PPP1R37: variants seen among roughly 807,000 people sequenced by gnomAD.
PPP1R37 encodes leucine rich repeat containing 68.
In PPP1R37, 21 loss-of-function variants were observed where a neutral mutation model predicts 61.0. That is an observed-to-expected ratio of 0.34 (90% CI 0.24 to 0.50). The LOEUF is 0.50. Among genes scored for constraint, PPP1R37 ranks in the 20% least tolerant of loss-of-function variants. The pLI is 0.98. For synonymous variants in PPP1R37, 443 were observed against 433.5 expected (o/e 1.02, Z -0.27); for missense variants, 910 against 952.7 (o/e 0.96, Z 0.59).
At chr19:45,102,588 A>C (rs1341268230) in intron 1 of PPP1R37, among the ~76,000 whole-genome samples, 5 of 152,188 alleles carry the variant, frequency 3.3e-5, no homozygotes, top group African/African-American at 1.2e-4. Flanking sequence ...TGTAAGGGTT[A>C]GGCAGGTGGG....
chr19:45,116,397 C>T (rs8105740), intron 1 of PPP1R37, among the ~76,000 whole-genome samples: 19,990 of 152,260 alleles, frequency 0.13, 1,525 homozygotes, highest in African/African-American at 0.21. Flanking sequence ...CCTAGCCCGC[C>T]CCCTGGAGCT....
chr19:45,125,382 G>T (rs1968392275), intron 1 of PPP1R37, among the ~76,000 whole-genome samples: 1 of 152,166 alleles, frequency 6.6e-6, no homozygotes, highest in Non-Finnish European at 1.5e-5. Flanking sequence ...AGAATTGCTT[G>T]AACCTGGGAG....
rs890180555 is a variant in PPP1R37, at chr19:45,119,273, G to T, written c.203-19241G>T. 2.6e-5 allele frequency among the ~76,000 whole-genome samples: 4 copies of T among 152,174 alleles called. No homozygotes were observed. The South Asian group carries it at 8.3e-4, about 32-fold the overall frequency. On this transcript the variant is annotated intron_variant, in intron 1 of 12. Transcript: ENST00000221462. ...AGGTTCAAGCGATTCTCCTGCCTCAGCCTCCTGAGTAGCTGGGATTACAGG... is the reference window on the plus strand; with the variant it reads ...AGGTTCAAGCGATTCTCCTGCCTCATCCTCCTGAGTAGCTGGGATTACAGG...
chr19:45,134,184 T>G (rs1316120450), intron 1 of PPP1R37, among the ~76,000 whole-genome samples: 1 of 152,108 alleles, frequency 6.6e-6, no homozygotes, highest in Non-Finnish European at 1.5e-5. Flanking sequence ...TTTCTGAAAT[T>G]TTTTTTGTAG....
Position 45,093,304 on chromosome 19 carries a change from C to G in PPP1R37, c.-22C>G. ...GGCCCGGGGCATGTCCCCGGGGCCC[C>G]CGTGAGGAGGCGGCGGCGGCTATGG... On this transcript the variant is annotated 5_prime_UTR_variant, in exon 1 of 13. Transcript: ENST00000221462. 1 of 1,399,428 alleles carries G rather than the reference C, an allele frequency of 7.1e-7. No individual in the cohort carries two copies. The highest frequency in any genetic ancestry group is 1.5e-5 in the African/African-American group (1 of 65,754). 86.7% of individuals were successfully genotyped at this position (1,399,428 alleles called of 1,614,324 possible). A position where few individuals can be genotyped will look rare whatever the true frequency, so the allele number is the denominator to read the frequency against.
chr19:45,142,617 C>T, intron 7 of PPP1R37, 159 bp downstream of exon 7: 1 of 756,584 alleles, frequency 1.3e-6, no homozygotes, highest in Non-Finnish European at 2.1e-6. Context: ...TAGACAGTGA[C>T]AACCTAGAGT....
At position 45,142,189 on chromosome 19, in the gene PPP1R37, G is replaced by A. The variant is rs770557359; in HGVS notation, c.696G>A (p.Ser232=). 3.0e-5 allele frequency: 46 copies of A among 1,534,818 alleles called. No individual in the cohort carries two copies. The highest frequency in any genetic ancestry group is 9.8e-5 in the East Asian group (4 of 40,876). The change falls in exon 6 of 13, where the codon TCG becomes TCA. Residue 232 remains serine (S), a synonymous_variant. Transcript: ENST00000221462. ...AVLHLENASL[S]GRPLMLLATA... is the part of the protein sequence containing the mutation. ...TGCACTTGGAGAACGCCAGCCTGTC[G>A]GGGCGGCCCCTCATGCTGCTCGGTG...
intron 1 of PPP1R37, among the ~76,000 whole-genome samples, chr19:45,119,718 A>G (rs1305486925): frequency 8.5e-5 from 13 of 152,218 alleles, no homozygotes; most frequent in Admixed American, 8.5e-4. Flanking sequence ...CCCCAGGCCC[A>G]GGATCAGACC....
intron 1 of PPP1R37, among the ~76,000 whole-genome samples, chr19:45,105,781 C>T (rs182240613): frequency 1.8e-4 from 28 of 152,296 alleles, no homozygotes; most frequent in Admixed American, 1.7e-3. Flanking sequence ...GACCTGTGTT[C>T]CCTGCTGGAC....
intron 10 of PPP1R37, 46 bp from the exon 11 acceptor site, chr19:45,145,307 G>A (rs1968674695): frequency 6.6e-7 from 1 of 1,522,034 alleles, no homozygotes; most frequent in African/African-American, 1.4e-5. Context: ...GGAAGGCCGG[G>A]TGGTGGGGCC....
chr19:45,115,122 C>T (rs867248283), intron 1 of PPP1R37, among the ~76,000 whole-genome samples: 1 of 152,198 alleles, frequency 6.6e-6, no homozygotes, highest in East Asian at 1.9e-4. Flanking sequence ...AAGCCCGGCC[C>T]TGCCTTCCAG....
chr19:45,106,271 C>T (rs964995560), intron 1 of PPP1R37, among the ~76,000 whole-genome samples: 10 of 151,772 alleles, frequency 6.6e-5, no homozygotes, highest in Non-Finnish European at 1.0e-4. Flanking sequence ...GATGGAGTTT[C>T]GCTCTTGTTG....
chr19:45,097,296 C>T (rs530191995), intron 1 of PPP1R37, among the ~76,000 whole-genome samples: 2 of 151,914 alleles, frequency 1.3e-5, no homozygotes, highest in South Asian at 4.2e-4. Flanking sequence ...ACCCCAAGGC[C>T]AAGGGGTAAC....
In PPP1R37 at chr19:45,120,633, G is replaced by T. The variant is rs181686379; in HGVS notation, c.203-17881G>T. On this transcript the variant is annotated intron_variant, in intron 1 of 12. Coordinates refer to ENST00000221462, the MANE Select transcript of PPP1R37 (RefSeq NM_019121.2). ...ATTGCTAATCAAAGGGTATATGCAT[G>T]TTACTTTTTTTTGAGATGGAGTCTT... Among the ~76,000 whole-genome samples, 360 of 152,060 alleles carry T rather than the reference G, an allele frequency of 2.4e-3. 3 individuals are homozygous for T. The highest frequency in any genetic ancestry group is 8.2e-3 in the African/African-American group (342 of 41,486).
chr19:45,128,725 G>A lies in PPP1R37; in HGVS notation c.203-9789G>A, dbSNP rs139635118. The A allele has an allele frequency of 3.2e-5, 27 of 852,546 alleles. 1 individual carries two copies. The East Asian group carries it at 6.1e-4, about 19-fold the overall frequency. The allele number at this position is 852,546 out of a possible 1,614,324, so 52.8% of individuals were successfully genotyped here. ...GCTTGGAAGACTGGCAAGCACAGCCGCGTCAAGGTCCACCTGGTTGGTATT... is the reference window on the plus strand; with the variant it reads ...GCTTGGAAGACTGGCAAGCACAGCCACGTCAAGGTCCACCTGGTTGGTATT... On this transcript the variant is annotated intron_variant, in intron 1 of 12. Transcript: ENST00000221462.
intron 1 of PPP1R37, among the ~76,000 whole-genome samples, chr19:45,135,667 G>A (rs1410965057): frequency 2.0e-5 from 3 of 152,058 alleles, no homozygotes; most frequent in African/African-American, 4.8e-5. Context: ...TCACAGAGTC[G>A]ATGCGTTCGC....
At position 45,121,029 on chromosome 19, in the gene PPP1R37, T is replaced by G. The variant is rs1968336163; in HGVS notation, c.203-17485T>G. 6.6e-6 allele frequency among the ~76,000 whole-genome samples: 1 copy of G among 152,236 alleles called. No homozygotes were observed. The highest frequency in any genetic ancestry group is 1.5e-5 in the Non-Finnish European group (1 of 68,052). On this transcript the variant is annotated intron_variant, in intron 1 of 12. Transcript: ENST00000221462. The surrounding 1 kb of genome is among the most constrained non-coding windows in gnomAD (Gnocchi z 4.2). ...CCCCTGGAAAGTTGGGGAGATAATT[T>G]CTATTTCTCAGGGCCATTAGGAAGT...
chr19:45,146,296 T>A (rs575049085), intron 11 of PPP1R37, 94 bp from the exon 12 acceptor site: 2 of 1,189,908 alleles, frequency 1.7e-6, no homozygotes, highest in Non-Finnish European at 2.4e-6. Context: ...CTGGGCACTC[T>A]GCAGGCCCTG....
intron 1 of PPP1R37, among the ~76,000 whole-genome samples, chr19:45,132,703 G>C (rs963656647): frequency 2.0e-5 from 3 of 152,054 alleles, no homozygotes; most frequent in Admixed American, 2.0e-4. Context: ...CAAGTAGCTG[G>C]GACTACAGGC....
Sources: gnomAD v4.1 joint callset for allele counts (sites outside exome capture counted in the v4.1 genomes callset) on GRCh38, gnomAD v4.1.1 for gene constraint, Gnocchi (gnomAD v3.1) non-coding constraint, MANE v1.5 for transcripts, NCBI Gene and HGNC (gene_info 2026-07-23, HGNC 2026-07-21) for gene names.